Variants in PIK3AP1 observed in about 807,000 individuals in gnomAD.
The protein encoded by PIK3AP1 is phosphoinositide 3-kinase adapter protein 1.
A neutral mutation model predicts 88.1 loss-of-function variants in PIK3AP1; 21 were observed. That is an observed-to-expected ratio of 0.24 (90% CI 0.17 to 0.34). PIK3AP1 has a LOEUF of 0.34. Ranked by LOEUF, PIK3AP1 falls within the 10% of genes least tolerant of loss-of-function variation. The pLI, the probability that PIK3AP1 is intolerant of heterozygous loss-of-function variation, is 1.00. For synonymous variants in PIK3AP1, 398 were observed against 400.0 expected (o/e 1.00, Z 0.06); for missense variants, 828 against 1,035.7 (o/e 0.80, Z 2.75).
chr10:96,633,411 A>T (rs929426382), intron 8 of PIK3AP1, among the ~76,000 whole-genome samples: 1 of 152,192 alleles, frequency 6.6e-6, no homozygotes, highest in Admixed American at 6.5e-5. Flanking sequence ...AGTTTTTAAA[A>T]TCCTCTCAGC....
chr10:96,632,966 C>T (rs1350771426), intron 8 of PIK3AP1: 1 of 1,612,880 alleles, frequency 6.2e-7, no homozygotes. Context: ...GTGAAGAGAG[C>T]TGGTCTTCCT....
At chr10:96,656,567 C>A (rs3827867) in intron 3 of PIK3AP1, among the ~76,000 whole-genome samples, 41,273 of 152,008 alleles carry the variant, frequency 0.27, 5,728 homozygotes, top group East Asian at 0.42. Context: ...ATCCATAGAA[C>A]AGAAGTCTTA....
rs369307312 is a variant in PIK3AP1, at chr10:96,652,723, C to A, written c.687G>T (p.Glu229Asp). The A allele has an allele frequency of 6.2e-7, 1 of 1,614,156 alleles. No homozygotes were observed. Among genetic ancestry groups the A allele is most frequent in the South Asian group, 1.1e-5 (1 of 91,084 alleles). Residue 229 changes from glutamate to aspartate, a missense_variant, in exon 4 of 17, where the codon GAG becomes GAT. Coordinates refer to ENST00000339364, the MANE Select transcript of PIK3AP1 (RefSeq NM_152309.3). ...SVRMEAKVEN[E>D]YTISVKAPNL... is the part of the protein sequence containing the mutation. Reference sequence around the variant, plus strand: ...TGGGAGCCTTCACTGAAATGGTGTACTCATTCTCCACCTTGGCTTCCATCC... The same window carrying A: ...TGGGAGCCTTCACTGAAATGGTGTAATCATTCTCCACCTTGGCTTCCATCC...
At chr10:96,661,839 G>GGACA (rs1177374711) in intron 2 of PIK3AP1, among the ~76,000 whole-genome samples, 27 of 130,100 alleles carry the variant, frequency 2.1e-4, no homozygotes, top group Admixed American at 1.9e-3. Flanking sequence ...GGAAAGGAAA[G>GGACA]GGAAAAGGGA....
chr10:96,687,280 A>AAAG lies in PIK3AP1; in HGVS notation c.430+22286_430+22287insCTT. Among the ~76,000 whole-genome samples the AAAG allele has an allele frequency of 1.6e-5, 2 of 121,568 alleles. 1 individual carries two copies. The highest frequency in any genetic ancestry group is 4.8e-4 in the South Asian group (2 of 4,126). 79.8% of individuals were successfully genotyped at this position (121,568 alleles called of 152,430 possible). A position where few individuals can be genotyped will look rare whatever the true frequency, so the allele number is the denominator to read the frequency against. ...CAAAAAAAAAAAAAAAAAAAAAAAA[A>AAAG]AAAAAGAAAAAAGATCTCCTCCTTT... On this transcript the variant is annotated intron_variant, in intron 2 of 16. Transcript: ENST00000339364.
chr10:96,620,234 C>CCT, intron 12 of PIK3AP1, 118 bp downstream of exon 12: 1 of 1,071,792 alleles, frequency 9.3e-7, no homozygotes, highest in Non-Finnish European at 1.4e-6. Context: ...CTCAAACATT[C>CCT]GCAGGCACAG....
chr10:96,713,363 G>A (rs1410412397), intron 1 of PIK3AP1, among the ~76,000 whole-genome samples: 1 of 151,938 alleles, frequency 6.6e-6, no homozygotes, highest in Non-Finnish European at 1.5e-5. Context: ...AATTAGCCGG[G>A]TGTTGTGGCA....
chr10:96,686,755 C>T (rs187515616), intron 2 of PIK3AP1, among the ~76,000 whole-genome samples: 15 of 152,134 alleles, frequency 9.9e-5, no homozygotes, highest in Admixed American at 4.6e-4. Context: ...TGCAGCTGTG[C>T]GTCATATCTC....
chr10:96,697,923 A>G (rs1844243076), intron 2 of PIK3AP1, among the ~76,000 whole-genome samples: 2 of 152,226 alleles, frequency 1.3e-5, no homozygotes, highest in African/African-American at 4.8e-5. Flanking sequence ...TACCTAAATC[A>G]CATTATACTA....
chr10:96,682,745 A>G (rs1270830358), intron 2 of PIK3AP1, among the ~76,000 whole-genome samples: 1 of 152,186 alleles, frequency 6.6e-6, no homozygotes, highest in African/African-American at 2.4e-5. Context: ...GTTTTCCATA[A>G]ACTGAAATTT....
In PIK3AP1 at chr10:96,709,821, C is replaced by CT; in HGVS notation, c.175dup (p.Ser59LysfsTer69). 1.2e-6 allele frequency: 2 copies of CT among 1,613,970 alleles called. No individual in the cohort carries two copies. Among genetic ancestry groups the CT allele is most frequent in the Non-Finnish European group, 1.7e-6 (2 of 1,179,920 alleles). Reference sequence around the variant, plus strand: ...GACACAGCGGGTGCTGAGGAAAAGGCTTAGGTCCTCTGCCGAGAAGGAGGC... The same window carrying CT: ...GACACAGCGGGTGCTGAGGAAAAGGCTTTAGGTCCTCTGCCGAGAAGGAGGC... On this transcript the variant is annotated frameshift_variant, in exon 2 of 17. Transcript: ENST00000339364. LOFTEE classifies it high-confidence loss of function.
At chr10:96,645,149 A>G (rs543024049) in intron 8 of PIK3AP1, among the ~76,000 whole-genome samples, 8 of 152,300 alleles carry the variant, frequency 5.3e-5, no homozygotes, top group African/African-American at 1.9e-4. Flanking sequence ...GAGTAGGAAA[A>G]TGTTTGTTAT....
At chr10:96,678,357 C>A (rs1843954092) in intron 2 of PIK3AP1, among the ~76,000 whole-genome samples, 1 of 152,146 alleles carries the variant, frequency 6.6e-6, no homozygotes, top group South Asian at 2.1e-4. Flanking sequence ...ATCGCTTGAA[C>A]CCAGGAGGCG....
intron 8 of PIK3AP1, among the ~76,000 whole-genome samples, chr10:96,629,194 G>A (rs1015552330): frequency 6.6e-6 from 1 of 152,000 alleles, no homozygotes; most frequent in Non-Finnish European, 1.5e-5. Flanking sequence ...AAAAGTTACA[G>A]ACAGGTGTCA....
In PIK3AP1 at chr10:96,625,936, C is replaced by T. The variant is rs372706048; in HGVS notation, c.1669+772G>A. Among the ~76,000 whole-genome samples, 16 of 152,132 alleles carry T rather than the reference C, an allele frequency of 1.1e-4. No homozygotes were observed. In the South Asian group the frequency reaches 1.7e-3, roughly 16 times the overall value. On this transcript the variant is annotated intron_variant, in intron 10 of 16. Coordinates refer to ENST00000339364, the MANE Select transcript of PIK3AP1 (RefSeq NM_152309.3). The stretch of plus-strand genomic sequence containing the variant: ...TAATTTTTTGTATTTTTTGTAGAGA[C>T]GGAGTTTTGCCATGCTGCTCAGGCC...
chr10:96,596,634 G>A (rs1422867274), intron 16 of PIK3AP1, among the ~76,000 whole-genome samples: 1 of 152,158 alleles, frequency 6.6e-6, no homozygotes. Flanking sequence ...TATCTCAACT[G>A]TTATCCCAAC....
At chr10:96,636,471 A>G (rs1280220596) in intron 8 of PIK3AP1, among the ~76,000 whole-genome samples, 2 of 152,190 alleles carry the variant, frequency 1.3e-5, no homozygotes, top group Non-Finnish European at 2.9e-5. Flanking sequence ...ACATGTACAC[A>G]TAACCCGGGC....
intron 2 of PIK3AP1, among the ~76,000 whole-genome samples, chr10:96,700,559 G>C (rs1326806336): frequency 6.6e-6 from 1 of 152,124 alleles, no homozygotes. Context: ...AAATCAAAAA[G>C]ATCATTTCAA....
At chr10:96,607,384 C>T (rs373854919) in intron 14 of PIK3AP1, among the ~76,000 whole-genome samples, 4 of 152,062 alleles carry the variant, frequency 2.6e-5, no homozygotes, top group African/African-American at 7.2e-5. Context: ...AAAATGAACC[C>T]GAAAATATGG....
Sources: gnomAD v4.1 joint callset for allele counts (sites outside exome capture counted in the v4.1 genomes callset) on GRCh38, gnomAD v4.1.1 for gene constraint, MANE v1.5 for transcripts, NCBI Gene and HGNC (gene_info 2026-07-23, HGNC 2026-07-21) for gene names.